Variants in COMMD10 observed in about 807,000 individuals in gnomAD.
The protein encoded by COMMD10 is COMM domain containing 10, also known as COMM domain-containing protein 10.
A neutral mutation model predicts 28.9 loss-of-function variants in COMMD10; 33 were observed. The observed-to-expected ratio is 1.14, with a 90% CI of 0.87 to 1.53. COMMD10 has a LOEUF of 1.53. Ranked by LOEUF, COMMD10 falls within the 40% of genes most tolerant of loss-of-function variation. COMMD10 has a pLI of 0.00. For missense variants in COMMD10, 310 were observed against 233.4 expected (o/e 1.33, Z -2.14); for synonymous variants, 110 against 81.7 (o/e 1.35, Z -1.87).
At chr5:116,273,053 T>C (rs550986158) in intron 5 of COMMD10, among the ~76,000 whole-genome samples, 10 of 151,952 alleles carry the variant, frequency 6.6e-5, no homozygotes, top group Middle Eastern at 3.4e-3. Flanking sequence ...TTTCACCACA[T>C]TTCACCCACA....
chr5:116,148,669 C>G (rs906792189), intron 5 of COMMD10, among the ~76,000 whole-genome samples: 2 of 150,952 alleles, frequency 1.3e-5, no homozygotes, highest in Admixed American at 6.6e-5. Flanking sequence ...ACAATGGATT[C>G]TTAATATGAC....
chr5:116,132,496 C>G (rs959824918), intron 4 of COMMD10, among the ~76,000 whole-genome samples: 3 of 152,082 alleles, frequency 2.0e-5, no homozygotes, highest in African/African-American at 7.2e-5. Flanking sequence ...ATATCAAGGC[C>G]TGATCACAGT....
chr5:116,181,830 A>G (rs548961044), intron 5 of COMMD10, among the ~76,000 whole-genome samples: 1 of 152,172 alleles, frequency 6.6e-6, no homozygotes, highest in East Asian at 1.9e-4. Context: ...ACATCTCAGC[A>G]TTTCTTTAAA....
At chr5:116,276,564 A>C (rs1479550526) in intron 5 of COMMD10, among the ~76,000 whole-genome samples, 1 of 151,780 alleles carries the variant, frequency 6.6e-6, no homozygotes, top group Non-Finnish European at 1.5e-5. Context: ...AAGGAAAATC[A>C]AAGTGTGTTA....
chr5:116,137,799 T>C (rs144083027), intron 5 of COMMD10, among the ~76,000 whole-genome samples: 25 of 152,136 alleles, frequency 1.6e-4, no homozygotes, highest in African/African-American at 5.8e-4. Context: ...CCTGTTTTGC[T>C]ATTAATTTTA....
At chr5:116,112,512 T>C (rs1751080247) in intron 4 of COMMD10, among the ~76,000 whole-genome samples, 1 of 151,556 alleles carries the variant, frequency 6.6e-6, no homozygotes, top group African/African-American at 2.4e-5. Flanking sequence ...TTCTCCTGCC[T>C]CAGCCTCCTG....
intron 5 of COMMD10, among the ~76,000 whole-genome samples, chr5:116,149,518 T>A (rs1752448023): frequency 2.8e-5 from 4 of 145,142 alleles, no homozygotes; most frequent in Admixed American, 2.7e-4. Flanking sequence ...CCAGCACCTG[T>A]TGTTTCCTGA....
chr5:116,170,128 A>G (rs546472413), intron 5 of COMMD10, among the ~76,000 whole-genome samples: 262 of 152,328 alleles, frequency 1.7e-3, no homozygotes, highest in African/African-American at 5.9e-3. Flanking sequence ...CTGATAAGCA[A>G]CTTCAGCAAA....
intron 5 of COMMD10, among the ~76,000 whole-genome samples, chr5:116,199,789 C>T (rs888450167): frequency 3.9e-5 from 6 of 152,072 alleles, no homozygotes; most frequent in African/African-American, 1.4e-4. Context: ...AACAGGGTCT[C>T]GCTATGTTGC....
chr5:116,130,242 G>A (rs2112767579), intron 4 of COMMD10, among the ~76,000 whole-genome samples: 1 of 151,960 alleles, frequency 6.6e-6, no homozygotes, highest in South Asian at 2.1e-4. Context: ...TCCGGGTATA[G>A]CACTGATAAA....
intron 5 of COMMD10, among the ~76,000 whole-genome samples, chr5:116,183,155 G>A (rs1047703158): frequency 6.6e-6 from 1 of 152,052 alleles, no homozygotes; most frequent in African/African-American, 2.4e-5. Context: ...GGTGAGAGAG[G>A]CCATTGACTC....
intron 4 of COMMD10, among the ~76,000 whole-genome samples, chr5:116,094,321 C>T (rs1246741984): frequency 6.6e-6 from 1 of 152,144 alleles, no homozygotes; most frequent in Non-Finnish European, 1.5e-5. Context: ...AACATCTCAA[C>T]TGCAAAGTAA....
intron 5 of COMMD10, among the ~76,000 whole-genome samples, chr5:116,283,515 T>A (rs1199513616): frequency 6.6e-6 from 1 of 151,436 alleles, no homozygotes; most frequent in Non-Finnish European, 1.5e-5. Flanking sequence ...CCCAGCTAAT[T>A]TTTGTATTTT....
At chr5:116,262,032 TAAAG>T (rs1255134062) in intron 5 of COMMD10, among the ~76,000 whole-genome samples, 1 of 151,732 alleles carries the variant, frequency 6.6e-6, no homozygotes, top group Non-Finnish European at 1.5e-5. Flanking sequence ...CACTTTCAGA[TAAAG>T]AAGGTAAGGC....
chr5:116,182,437 GT>G (rs1422970442), intron 5 of COMMD10, among the ~76,000 whole-genome samples: 1 of 151,876 alleles, frequency 6.6e-6, no homozygotes, highest in Non-Finnish European at 1.5e-5. Context: ...GAGCTCAGCT[GT>G]TTTGAGAGAG....
At chr5:116,187,343 A>G (rs1339088585) in intron 5 of COMMD10, among the ~76,000 whole-genome samples, 1 of 152,146 alleles carries the variant, frequency 6.6e-6, no homozygotes, top group Non-Finnish European at 1.5e-5. Context: ...TTGTTTTGTG[A>G]ATTTTATTTA....
chr5:116,212,523 T>TGTGTGTGTGTGTGTG (rs1580552963), intron 5 of COMMD10, among the ~76,000 whole-genome samples: 12 of 71,618 alleles, frequency 1.7e-4, no homozygotes, highest in Middle Eastern at 8.5e-3. Flanking sequence ...TGTGTGTGTG[T>TGTGTGTGTGTGTGTG]AGAATGTGAG....
At chr5:116,191,062 T>G in intron 5 of COMMD10, among the ~76,000 whole-genome samples, 1 of 152,144 alleles carries the variant, frequency 6.6e-6, no homozygotes, top group East Asian at 1.9e-4. Flanking sequence ...CAAACATGAA[T>G]GAAAATACGA....
chr5:116,120,034 G>C (rs1251844668), intron 4 of COMMD10, among the ~76,000 whole-genome samples: 1 of 152,048 alleles, frequency 6.6e-6, no homozygotes, highest in African/African-American at 2.4e-5. Flanking sequence ...GATCACCATG[G>C]TAATCAAGAT....
Sources: gnomAD v4.1 joint callset for allele counts (sites outside exome capture counted in the v4.1 genomes callset) on GRCh38, gnomAD v4.1.1 for gene constraint, MANE v1.5 for transcripts, NCBI Gene and HGNC (gene_info 2026-07-23, HGNC 2026-07-21) for gene names.